The following MCF2L variants were observed in gnomAD, a reference collection of about 807,000 sequenced individuals.
The protein encoded by MCF2L is guanine nucleotide exchange factor DBS.
In MCF2L, 97 loss-of-function variants were observed where a neutral mutation model predicts 153.4. The ratio of observed to expected loss-of-function variants is 0.63; its 90% CI spans 0.54 to 0.75. MCF2L has a LOEUF of 0.75. Among genes scored for constraint, MCF2L ranks in the 30% least tolerant of loss-of-function variants. MCF2L has a pLI of 0.00. For missense variants in MCF2L, 1,347 were observed against 1,495.2 expected, an observed-to-expected ratio of 0.90 and a Z score of 1.64; for synonymous variants, 659 against 632.2, an observed-to-expected ratio of 1.04 and a Z score of -0.64.
chr13:113,094,992 GC>G, intron 27 of MCF2L: 1 of 1,378,180 alleles, frequency 7.3e-7, no homozygotes, highest in South Asian at 1.1e-5. Flanking sequence ...CTCCTGTAGA[GC>G]CCACTCGTGG....
intron 2 of MCF2L, among the ~76,000 whole-genome samples, chr13:112,923,355 CT>C (rs1323332299): frequency 1.3e-5 from 2 of 149,088 alleles, no homozygotes; most frequent in East Asian, 4.0e-4. Flanking sequence ...GCTCCGCCTC[CT>C]GGGTTGACGC....
At chr13:112,966,313 C>T (rs2081892471), upstream of MCF2L, among the ~76,000 whole-genome samples, 1 of 152,152 alleles carries the variant, frequency 6.6e-6, no homozygotes, top group Non-Finnish European at 1.5e-5. The surrounding 1 kb of genome is among the most constrained non-coding windows in gnomAD (Gnocchi z 4.1). Flanking sequence ...GTTGGAAGGT[C>T]CAGGGGCAGC....
Position 112,904,419 on chromosome 13 carries a change from C to T in MCF2L, c.169+2048C>T, listed in dbSNP as rs1594300047. Among the ~76,000 whole-genome samples the T allele has an allele frequency of 1.3e-5, 2 of 152,188 alleles. No individual in the cohort carries two copies. The highest frequency in any genetic ancestry group is 2.9e-5 in the Non-Finnish European group (2 of 68,020). On this transcript the variant is annotated intron_variant, in intron 2 of 29. Coordinates refer to the MCF2L transcript ENST00000375608. This position sits in a 1 kb window ranked among gnomAD's most constrained non-coding sequence, Gnocchi z 4.2. ...CAAGCTTGGGTGGGTTGAGAAGCCT[C>T]TGCAGTGTGGGCAGCAGTAGTAGCA...
Position 113,086,208 on chromosome 13 carries a change from G to A in MCF2L, c.2332G>A (p.Val778Met), listed in dbSNP as rs767096369. The A allele has an allele frequency of 3.7e-6, 6 of 1,610,650 alleles. No individual in the cohort carries two copies. Among genetic ancestry groups the A allele is most frequent in the East Asian group, 4.5e-5 (2 of 44,514 alleles). Residue 778 changes from valine to methionine, a missense_variant, in exon 21 of 30, where the codon GTG becomes ATG. Physicochemically the swap from Val to Met is conservative, Grantham distance 21 (BLOSUM62 1). Coordinates refer to ENST00000535094, the MANE Select transcript of MCF2L (RefSeq NM_001112732.3). ...LSSILGILKA[V>M]NDSMHLIAIT... is the part of the protein sequence containing the mutation. ...CTCCATCCTGGGCATCCTGAAGGCC[G>A]TGAACGACTCCATGCACCTCATCGC...
chr13:112,960,076 C>A lies in MCF2L; in HGVS notation c.170-54687C>A, dbSNP rs143485566. On this transcript the variant is annotated intron_variant, in intron 2 of 29. Coordinates refer to the MCF2L transcript ENST00000375608. This position sits in a 1 kb window ranked among gnomAD's most constrained non-coding sequence, Gnocchi z 4.2. ...CAGGGCAGAGGCCTTCTGTCCCGGA[C>A]GCCTGCCCTCAGGGGCTGTGTCTTT... is the stretch of plus-strand genomic sequence containing the variant. Among the ~76,000 whole-genome samples, 4 of 152,230 alleles carry A rather than the reference C, an allele frequency of 2.6e-5. No homozygotes were observed. Among genetic ancestry groups the A allele is most frequent in the Admixed American group, 2.6e-4 (4 of 15,282 alleles).
intron 23 of MCF2L, 129 bp from the exon 24 acceptor site, chr13:113,088,198 C>T: frequency 1.2e-6 from 1 of 830,112 alleles, no homozygotes; most frequent in Non-Finnish European, 2.1e-6. Context: ...CTTTCCTCCT[C>T]TCCCCTCACA....
rs186074625 is a variant in MCF2L at position 113,049,184 on chromosome 13, G to A, written c.369+3823G>A. On this transcript the variant is annotated intron_variant, in intron 4 of 29. Transcript: ENST00000535094. ...AAGGAGAAGTGGGCCACAAGGCCAA[G>A]GAGGCAGGAGGCGGGCAGTGGTGGC... 3.3e-5 allele frequency among the ~76,000 whole-genome samples: 5 copies of A among 152,350 alleles called. No homozygotes were observed. In the East Asian group the frequency reaches 9.6e-4, roughly 29 times the overall value.
At chr13:112,979,698 C>G in intron 1 of MCF2L, 1 of 1,612,782 alleles carries the variant, frequency 6.2e-7, no homozygotes, top group Non-Finnish European at 8.5e-7. Flanking sequence ...CCGGGGAACC[C>G]TGCGGCGGCT....
rs752666170 is a variant in MCF2L at position 113,083,983 on chromosome 13, A to C, written c.1992-15A>C. 3.1e-6 allele frequency: 5 copies of C among 1,607,868 alleles called. No homozygotes were observed. In the African/African-American group the frequency reaches 6.7e-5, roughly 22 times the overall value. On this transcript the variant is annotated splice_polypyrimidine_tract_variant and intron_variant, in intron 17 of 29. Transcript: ENST00000535094. ...GGCCTGTCTTTCATACTACTTAAAA[A>C]CCTTCTTTGTCTAGGATATTCCTCA...
In MCF2L at chr13:112,985,510, G is replaced by A. The variant is rs772659390; in HGVS notation, c.79+16052G>A. 2.8e-5 allele frequency: 13 copies of A among 469,828 alleles called. 1 individual carries two copies. The highest frequency in any genetic ancestry group is 6.5e-4 in the Middle Eastern group (2 of 3,100). The allele number at this position is 469,828 out of a possible 1,614,324, so 29.1% of individuals were successfully genotyped here. ...TCTCCTCGTCCCCTGTGAGTCCCTC[G>A]CAGGTGGTGTGCTCGGAGCAGTCGA... On this transcript the variant is annotated intron_variant, in intron 1 of 29. Transcript: ENST00000535094.
chr13:113,001,653 C>CA, intron 1 of MCF2L: 1 of 1,307,518 alleles, frequency 7.6e-7, no homozygotes, highest in Non-Finnish European at 9.7e-7. Flanking sequence ...CAGCTGTCGC[C>CA]AGGATCGCAA....
intron 17 of MCF2L, among the ~76,000 whole-genome samples, chr13:113,083,020 G>T (rs1183529040): frequency 1.3e-5 from 2 of 152,166 alleles, no homozygotes; most frequent in African/African-American, 4.8e-5. Flanking sequence ...CATCATGGGG[G>T]CTGCTTGTCC....
chr13:113,082,182 T>G (rs1314080001), intron 16 of MCF2L, among the ~76,000 whole-genome samples: 1 of 152,234 alleles, frequency 6.6e-6, no homozygotes, highest in Admixed American at 6.5e-5. Context: ...GCCCTCTGTT[T>G]CAGTTACACC....
At chr13:112,963,782 A>G (rs3011473) in intron 2 of MCF2L, among the ~76,000 whole-genome samples, 100,355 of 152,120 alleles carry the variant, frequency 0.66, 33,344 homozygotes, top group Non-Finnish European at 0.71. Context: ...CATGGAAGAC[A>G]GGGAGAGATA....
At position 112,983,505 on chromosome 13, in the gene MCF2L, G is replaced by A. The variant is rs1299572052; in HGVS notation, c.79+14047G>A. 2.6e-5 allele frequency among the ~76,000 whole-genome samples: 4 copies of A among 152,202 alleles called. No individual in the cohort carries two copies. The highest frequency in any genetic ancestry group is 1.5e-5 in the Non-Finnish European group (1 of 68,036). ...AAGCTCTGTAAATGCGGCACCCGAC[G>A]TCTGAGGCCCGCCACGCTGCAGGTT... is the stretch of plus-strand genomic sequence containing the variant. On this transcript the variant is annotated intron_variant, in intron 1 of 29. Transcript: ENST00000535094. The surrounding 1 kb of genome is among the most constrained non-coding windows in gnomAD (Gnocchi z 4.0).
intron 1 of MCF2L, among the ~76,000 whole-genome samples, chr13:112,989,248 T>G (rs185956239): frequency 1.4e-5 from 2 of 148,096 alleles, no homozygotes; most frequent in Non-Finnish European, 3.0e-5. Flanking sequence ...GAGATGGAGC[T>G]ACCACGCCCG....
chr13:113,078,628 G>T (rs372003280), intron 14 of MCF2L, 38 bp from the exon 15 acceptor site: 1 of 1,587,058 alleles, frequency 6.3e-7, no homozygotes. Context: ...TTGAGGTTCC[G>T]TCCCGCCTTT....
intron 2 of MCF2L, among the ~76,000 whole-genome samples, chr13:112,950,358 A>AT (rs1281173037): frequency 5.9e-5 from 9 of 152,082 alleles, no homozygotes; most frequent in Non-Finnish European, 1.0e-4. Flanking sequence ...TCCCAACAGA[A>AT]TTTTTTTTGT....
chr13:113,010,914 T>C lies in MCF2L; in HGVS notation c.80-3849T>C, dbSNP rs1383806416. ...CTGGGGACCTGTCTCCTGAACTGAG[T>C]GGCCACTATTGTTCCTCCGTGCGCT... is the stretch of plus-strand genomic sequence containing the variant. On this transcript the variant is annotated intron_variant, in intron 1 of 29. Transcript: ENST00000535094. Among the ~76,000 whole-genome samples, 3 of 152,218 alleles carry C rather than the reference T, an allele frequency of 2.0e-5. No homozygotes were observed. In the East Asian group the frequency reaches 5.8e-4, roughly 29 times the overall value.
Sources: gnomAD v4.1 joint callset for allele counts (sites outside exome capture counted in the v4.1 genomes callset) on GRCh38, gnomAD v4.1.1 for gene constraint, Gnocchi (gnomAD v3.1) non-coding constraint, MANE v1.5 for transcripts, NCBI Gene and HGNC (gene_info 2026-07-23, HGNC 2026-07-21) for gene names.